Variants in GPR55 observed in about 807,000 individuals in gnomAD.
The protein encoded by GPR55 is G-protein coupled receptor 55.
A neutral mutation model predicts 7.9 loss-of-function variants in GPR55; 6 were observed. The observed-to-expected ratio is 0.76, with a 90% CI of 0.41 to 1.49. GPR55 has a LOEUF of 1.49. Ranked by LOEUF, GPR55 falls within the 40% of genes most tolerant of loss-of-function variation. GPR55 has a pLI of 0.01. For synonymous variants in GPR55, 183 were observed against 166.8 expected, an observed-to-expected ratio of 1.10 and a Z score of -0.75; for missense variants, 376 against 406.0, an observed-to-expected ratio of 0.93 and a Z score of 0.63.
chr2:230,911,129 C>A (rs114869253), intron 1 of GPR55, 33 bp from the exon 2 acceptor site: 1 of 665,040 alleles, frequency 1.5e-6, no homozygotes, highest in East Asian at 2.7e-5. Flanking sequence ...TACCTTTAAT[C>A]CTGCTGCCCA....
chr2:230,958,662 G>A (rs913476465), intron 1 of GPR55, among the ~76,000 whole-genome samples: 1 of 152,108 alleles, frequency 6.6e-6, no homozygotes, highest in African/African-American at 2.4e-5. Context: ...AACATGCAAT[G>A]TTTGTCTTTT....
In GPR55 at chr2:230,911,016, G is replaced by A; in HGVS notation, c.-54C>T. 2 of 1,527,482 alleles carry A rather than the reference G, an allele frequency of 1.3e-6. 1 individual carries two copies. The highest frequency in any genetic ancestry group is 2.5e-5 in the South Asian group (2 of 78,528). 94.6% of individuals were successfully genotyped at this position (1,527,482 alleles called of 1,614,324 possible). A position where few individuals can be genotyped will look rare whatever the true frequency, so the allele number is the denominator to read the frequency against. On this transcript the variant is annotated 5_prime_UTR_variant, in exon 2 of 2. Coordinates refer to ENST00000650999, the MANE Select transcript of GPR55 (RefSeq NM_005683.4). Reference sequence around the variant, plus strand: ...ACGGGGCTCCTTTCACTCTCTTGAAGTGATGGATTCAAATGACTTTGTCAA... The same window carrying A: ...ACGGGGCTCCTTTCACTCTCTTGAAATGATGGATTCAAATGACTTTGTCAA...
chr2:230,933,846 G>A (rs1001495571), intron 1 of GPR55, among the ~76,000 whole-genome samples: 14 of 152,210 alleles, frequency 9.2e-5, no homozygotes, highest in African/African-American at 2.9e-4. Flanking sequence ...GGGGGTGGGA[G>A]ATGCAGGATG....
At chr2:230,948,840 G>T (rs1011105809) in intron 1 of GPR55, among the ~76,000 whole-genome samples, 1 of 152,242 alleles carries the variant, frequency 6.6e-6, no homozygotes, top group African/African-American at 2.4e-5. Flanking sequence ...CACTTTGGGA[G>T]GCAGGGGCAG....
chr2:230,915,553 T>C (rs2125050513), intron 1 of GPR55, among the ~76,000 whole-genome samples: 1 of 152,244 alleles, frequency 6.6e-6, no homozygotes, highest in Admixed American at 6.5e-5. Flanking sequence ...AGCAGCACGG[T>C]GGCTGAGAGG....
chr2:230,933,903 A>C (rs1691093372), intron 1 of GPR55, among the ~76,000 whole-genome samples: 1 of 152,128 alleles, frequency 6.6e-6, no homozygotes, highest in Non-Finnish European at 1.5e-5. Flanking sequence ...CTTCCCCAAG[A>C]GCTCAGCCTC....
chr2:230,915,576 G>A (rs929323616), intron 1 of GPR55, among the ~76,000 whole-genome samples: 3 of 152,186 alleles, frequency 2.0e-5, no homozygotes, highest in African/African-American at 4.8e-5. Context: ...GGGCTGAATT[G>A]AACCGTGGAG....
chr2:230,911,167 T>C (rs1162807650), intron 1 of GPR55, 71 bp from the exon 2 acceptor site: 2 of 583,156 alleles, frequency 3.4e-6, no homozygotes, highest in East Asian at 5.7e-5. Flanking sequence ...TTTTTGTGTA[T>C]ATCATTCCAG....
At chr2:230,938,676 C>A (rs7601148) in intron 1 of GPR55, among the ~76,000 whole-genome samples, 13,305 of 152,176 alleles carry the variant, frequency 0.087, 1,505 homozygotes, top group African/African-American at 0.26. Context: ...GCTGGAGCAG[C>A]GGGCAGGGCA....
chr2:230,914,986 T>G (rs1371577520), intron 1 of GPR55, among the ~76,000 whole-genome samples: 1 of 152,226 alleles, frequency 6.6e-6, no homozygotes, highest in African/African-American at 2.4e-5. Context: ...TGGGAAGGAC[T>G]TCAGACAGCA....
intron 1 of GPR55, among the ~76,000 whole-genome samples, chr2:230,952,272 T>C (rs896730788): frequency 2.0e-5 from 3 of 148,896 alleles, no homozygotes; most frequent in African/African-American, 5.0e-5. Flanking sequence ...ATGCTCCTTC[T>C]ATGCTAAAGT....
At chr2:230,922,057 G>C (rs1023185320) in intron 1 of GPR55, among the ~76,000 whole-genome samples, 1 of 152,220 alleles carries the variant, frequency 6.6e-6, no homozygotes, top group African/African-American at 2.4e-5. Flanking sequence ...TCTGTCACCA[G>C]AGGTATGCAA....
chr2:230,918,540 T>C (rs1462016275), intron 1 of GPR55, among the ~76,000 whole-genome samples: 3 of 152,200 alleles, frequency 2.0e-5, no homozygotes, highest in Non-Finnish European at 4.4e-5. Flanking sequence ...CTATAAAGTA[T>C]TTCAGAACAT....
intron 1 of GPR55, among the ~76,000 whole-genome samples, chr2:230,955,812 G>A (rs918379023): frequency 6.6e-6 from 1 of 151,586 alleles, no homozygotes; most frequent in African/African-American, 2.4e-5. Flanking sequence ...CTGCAGCCTT[G>A]ACCTCCCGGG....
chr2:230,942,739 A>C (rs1039812879), intron 1 of GPR55, among the ~76,000 whole-genome samples: 1 of 151,892 alleles, frequency 6.6e-6, no homozygotes, highest in African/African-American at 2.4e-5. Flanking sequence ...TGGCTGTTTG[A>C]GAAGGGCCCG....
chr2:230,927,246 G>A (rs1232615915), upstream of GPR55, among the ~76,000 whole-genome samples: 2 of 152,094 alleles, frequency 1.3e-5, no homozygotes, highest in Non-Finnish European at 2.9e-5. Context: ...TGACACAGAA[G>A]CTAGAGACCA....
chr2:230,933,895 T>C (rs548357589), intron 1 of GPR55, among the ~76,000 whole-genome samples: 1 of 152,192 alleles, frequency 6.6e-6, no homozygotes, highest in East Asian at 1.9e-4. Context: ...TACCAGGTCT[T>C]CCCCAAGAGC....
At chr2:230,947,201 G>A (rs180785733) in intron 1 of GPR55, among the ~76,000 whole-genome samples, 13 of 152,292 alleles carry the variant, frequency 8.5e-5, no homozygotes, top group African/African-American at 2.6e-4. Flanking sequence ...TTGTGTATCA[G>A]TCTCCCCTTG....
At chr2:230,949,011 G>C (rs991183233) in intron 1 of GPR55, among the ~76,000 whole-genome samples, 1 of 152,196 alleles carries the variant, frequency 6.6e-6, no homozygotes, top group African/African-American at 2.4e-5. Context: ...CAAGGCTGCA[G>C]TGAGCTGGGA....
Sources: gnomAD v4.1 joint callset for allele counts (sites outside exome capture counted in the v4.1 genomes callset) on GRCh38, gnomAD v4.1.1 for gene constraint, MANE v1.5 for transcripts, NCBI Gene and HGNC (gene_info 2026-07-23, HGNC 2026-07-21) for gene names.